The following EPHA3 variants were observed in gnomAD, a reference collection of about 807,000 sequenced individuals.
EPHA3 encodes EPH receptor A3, also known as ephrin type-A receptor 3.
EPHA3 carries 42 observed loss-of-function variants against 107.1 expected under a neutral mutation model. The ratio of observed to expected loss-of-function variants is 0.39; its 90% CI spans 0.31 to 0.51. The LOEUF (loss-of-function observed/expected upper bound fraction) is 0.51, where lower values mean the gene tolerates loss of function less well. Among genes scored for constraint, EPHA3 ranks in the 20% least tolerant of loss-of-function variants. The pLI, the probability that EPHA3 is intolerant of heterozygous loss-of-function variation, is 0.78. For missense variants in EPHA3, 1,183 were observed against 1,211.2 expected, an observed-to-expected ratio of 0.98 and a Z score of 0.35; for synonymous variants, 461 against 424.8, an observed-to-expected ratio of 1.09 and a Z score of -1.05.
At chr3:89,475,334 T>C (rs1381226955) in intron 16 of EPHA3, among the ~76,000 whole-genome samples, 1 of 152,202 alleles carries the variant, frequency 6.6e-6, no homozygotes, top group Non-Finnish European at 1.5e-5. Context: ...CAGAAATGAT[T>C]TGCTCGACCA....
chr3:89,448,381 T>C (rs1398198032), intron 13 of EPHA3, among the ~76,000 whole-genome samples: 1 of 152,140 alleles, frequency 6.6e-6, no homozygotes, highest in African/African-American at 2.4e-5. Flanking sequence ...TGCCTGACAC[T>C]TACGAAACAA....
intron 2 of EPHA3, among the ~76,000 whole-genome samples, chr3:89,134,224 T>A (rs7428033): frequency 0.45 from 67,070 of 149,672 alleles, 15,282 homozygotes; most frequent in Admixed American, 0.56. Context: ...TTTTTTTTTT[T>A]AAAAAAATTA....
At chr3:89,144,389 C>T (rs1704492119) in intron 2 of EPHA3, among the ~76,000 whole-genome samples, 2 of 151,724 alleles carry the variant, frequency 1.3e-5, no homozygotes. Context: ...ATCTATGTAT[C>T]CTTCCAGTTC....
At chr3:89,376,527 A>T (rs1432859874) in intron 5 of EPHA3, among the ~76,000 whole-genome samples, 3 of 151,872 alleles carry the variant, frequency 2.0e-5, no homozygotes, top group Admixed American at 2.0e-4. Context: ...TAACTGGTGT[A>T]GGGTTTCTGA....
chr3:89,108,931 G>A (rs1707035552), intron 1 of EPHA3, among the ~76,000 whole-genome samples: 1 of 152,038 alleles, frequency 6.6e-6, no homozygotes, highest in African/African-American at 2.4e-5. Context: ...CAACTGATGT[G>A]CAAACATCAT....
intron 7 of EPHA3, among the ~76,000 whole-genome samples, chr3:89,405,523 C>A (rs1709039309): frequency 6.6e-6 from 1 of 152,126 alleles, no homozygotes; most frequent in East Asian, 1.9e-4. Flanking sequence ...TGCCATCCTG[C>A]CACACTCTGA....
At chr3:89,132,087 A>T (rs773371360) in intron 2 of EPHA3, among the ~76,000 whole-genome samples, 1 of 152,208 alleles carries the variant, frequency 6.6e-6, no homozygotes, top group Admixed American at 6.5e-5. Flanking sequence ...AGTGATTTCT[A>T]GGAAAGGTTT....
chr3:89,177,694 G>T (rs1406509357), intron 2 of EPHA3, among the ~76,000 whole-genome samples: 1 of 152,142 alleles, frequency 6.6e-6, no homozygotes, highest in Non-Finnish European at 1.5e-5. Flanking sequence ...TCAAATTAGT[G>T]GTTGCTAATT....
intron 3 of EPHA3, among the ~76,000 whole-genome samples, chr3:89,294,746 T>C (rs1706303721): frequency 6.6e-6 from 1 of 152,204 alleles, no homozygotes; most frequent in Non-Finnish European, 1.5e-5. Context: ...TATTCACTGT[T>C]CTATGTCCAT....
At chr3:89,293,708 G>A (rs1470145636) in intron 3 of EPHA3, among the ~76,000 whole-genome samples, 1 of 152,128 alleles carries the variant, frequency 6.6e-6, no homozygotes, top group Non-Finnish European at 1.5e-5. Context: ...TGCCATATAA[G>A]ATGTGCCTTG....
chr3:89,307,587 G>A (rs1258576715), intron 3 of EPHA3, among the ~76,000 whole-genome samples: 1 of 152,084 alleles, frequency 6.6e-6, no homozygotes, highest in Non-Finnish European at 1.5e-5. Flanking sequence ...TATAATTTGA[G>A]ACAAGGTCTC....
At chr3:89,444,282 T>G (rs745550943) in intron 13 of EPHA3, among the ~76,000 whole-genome samples, 1 of 152,164 alleles carries the variant, frequency 6.6e-6, no homozygotes, top group Non-Finnish European at 1.5e-5. Flanking sequence ...AGTTTGAAAC[T>G]ACAATGAAGA....
At chr3:89,279,236 G>A (rs1379045307) in intron 3 of EPHA3, among the ~76,000 whole-genome samples, 3 of 151,998 alleles carry the variant, frequency 2.0e-5, no homozygotes, top group African/African-American at 7.2e-5. Flanking sequence ...CATTTAGGTA[G>A]GCAGAAATAT....
At chr3:89,217,428 A>G (rs953157797) in intron 3 of EPHA3, among the ~76,000 whole-genome samples, 1 of 151,934 alleles carries the variant, frequency 6.6e-6, no homozygotes, top group African/African-American at 2.4e-5. Flanking sequence ...ACAAAAAAAA[A>G]CTCTAAACTT....
At chr3:89,414,133 G>A (rs957432915) in intron 10 of EPHA3, among the ~76,000 whole-genome samples, 3 of 151,444 alleles carry the variant, frequency 2.0e-5, no homozygotes, top group Non-Finnish European at 4.4e-5. Flanking sequence ...TGCAAGTACC[G>A]TATTTACATA....
intron 2 of EPHA3, among the ~76,000 whole-genome samples, chr3:89,176,791 T>A (rs1223101702): frequency 6.6e-6 from 1 of 152,170 alleles, no homozygotes; most frequent in Non-Finnish European, 1.5e-5. Context: ...CCACTTGGAA[T>A]TTATCTGTAA....
At chr3:89,208,072 C>A (rs1236284734) in intron 2 of EPHA3, among the ~76,000 whole-genome samples, 2 of 151,982 alleles carry the variant, frequency 1.3e-5, no homozygotes, top group African/African-American at 2.4e-5. Context: ...TGGGGTTATA[C>A]CGTAAGAAAG....
chr3:89,422,194 CACACA>C (rs1709364933), intron 11 of EPHA3, among the ~76,000 whole-genome samples: 1 of 34,802 alleles, frequency 2.9e-5, no homozygotes, highest in South Asian at 1.7e-3. Flanking sequence ...TTGTATTTAA[CACACA>C]CACACACACA....
chr3:89,167,689 T>C (rs1173199305), intron 2 of EPHA3, among the ~76,000 whole-genome samples: 1 of 152,144 alleles, frequency 6.6e-6, no homozygotes, highest in Non-Finnish European at 1.5e-5. Flanking sequence ...GGTTCCTTCC[T>C]TTAGAAATTA....
Sources: gnomAD v4.1 joint callset for allele counts (sites outside exome capture counted in the v4.1 genomes callset) on GRCh38, gnomAD v4.1.1 for gene constraint, MANE v1.5 for transcripts, NCBI Gene and HGNC (gene_info 2026-07-23, HGNC 2026-07-21) for gene names.